ARHGAP40: variants seen among roughly 807,000 people sequenced by gnomAD.
ARHGAP40 encodes the protein Rho GTPase activating protein 40, also known as rho GTPase-activating protein 40.
ARHGAP40 carries 43 observed loss-of-function variants against 73.5 expected under a neutral mutation model. The observed-to-expected ratio is 0.58, with a 90% CI of 0.46 to 0.75. The LOEUF (loss-of-function observed/expected upper bound fraction) is 0.75, where lower values mean the gene tolerates loss of function less well. Among genes scored for constraint, ARHGAP40 ranks in the 30% least tolerant of loss-of-function variants. ARHGAP40 has a pLI of 0.00. For synonymous variants in ARHGAP40, 300 were observed against 352.8 expected, an observed-to-expected ratio of 0.85 and a Z score of 1.68; for missense variants, 734 against 861.8, an observed-to-expected ratio of 0.85 and a Z score of 1.86.
At chr20:38,621,827 G>A (rs220542) in intron 1 of ARHGAP40, among the ~76,000 whole-genome samples, 93,375 of 151,992 alleles carry the variant, frequency 0.61, 29,037 homozygotes, top group South Asian at 0.76. Context: ...GCCAAGGCAG[G>A]CGGATTGCTT....
chr20:38,622,903 C>T (rs1408289919), intron 1 of ARHGAP40, among the ~76,000 whole-genome samples: 1 of 152,104 alleles, frequency 6.6e-6, no homozygotes, highest in Non-Finnish European at 1.5e-5. Context: ...ATGAGGTGCT[C>T]CTGTGATACA....
intron 1 of ARHGAP40, among the ~76,000 whole-genome samples, chr20:38,609,585 T>C (rs1382281394): frequency 1.3e-5 from 2 of 152,066 alleles, no homozygotes; most frequent in African/African-American, 4.8e-5. Flanking sequence ...TGGAGGGCGG[T>C]AAGTGCCAGG....
rs557269496 is a variant in ARHGAP40, at chr20:38,632,708, G to T, written c.784-1912G>T. 2.6e-5 allele frequency among the ~76,000 whole-genome samples: 4 copies of T among 152,222 alleles called. No homozygotes were observed. In the East Asian group the frequency reaches 7.8e-4, roughly 30 times the overall value. ...TCACGCTAAAGGGCCAGGCATGGTG[G>T]CGCACACCTGTAATGCCAGCACTTT... On this transcript the variant is annotated intron_variant, in intron 5 of 14. Coordinates refer to ENST00000373345, the Ensembl canonical transcript of ARHGAP40.
At chr20:38,602,918 G>T (rs535724486) in intron 1 of ARHGAP40, among the ~76,000 whole-genome samples, 3 of 152,290 alleles carry the variant, frequency 2.0e-5, no homozygotes, top group African/African-American at 7.2e-5. Context: ...CCTGGCTAAT[G>T]GACATTTAGG....
chr20:38,629,640 G>T, exon 5 of ARHGAP40: 2 of 1,305,402 alleles, frequency 1.5e-6, no homozygotes, highest in Non-Finnish European at 2.0e-6. Flanking sequence ...TGGGGCAAGT[G>T]TTCCCTGCCG....
At chr20:38,631,757 T>C (rs1173248638) in intron 5 of ARHGAP40, among the ~76,000 whole-genome samples, 1 of 152,132 alleles carries the variant, frequency 6.6e-6, no homozygotes, top group Non-Finnish European at 1.5e-5. Flanking sequence ...ACCACCACTC[T>C]CTACTGCTTA....
At chr20:38,625,577 C>T (rs1313338989) in intron 2 of ARHGAP40, among the ~76,000 whole-genome samples, 1 of 152,174 alleles carries the variant, frequency 6.6e-6, no homozygotes, top group African/African-American at 2.4e-5. Flanking sequence ...CACCACCACA[C>T]CCGTCTAATT....
chr20:38,630,161 C>CCCTTCCTTCCTTCCTTCTTT (rs1243175647), intron 5 of ARHGAP40, among the ~76,000 whole-genome samples: 6 of 138,648 alleles, frequency 4.3e-5, no homozygotes, highest in African/African-American at 1.6e-4. Flanking sequence ...CTCCCTCCCT[C>CCCTTCCTTCCTTCCTTCTTT]CCTTCCTTCC....
chr20:38,625,738 A>G (rs1248500322), intron 2 of ARHGAP40, among the ~76,000 whole-genome samples: 2 of 152,082 alleles, frequency 1.3e-5, no homozygotes, highest in Non-Finnish European at 2.9e-5. Flanking sequence ...TTTTATTCGG[A>G]CACCAACTTG....
At chr20:38,633,122 C>CAA (rs55980432) in intron 5 of ARHGAP40, among the ~76,000 whole-genome samples, 9 of 135,512 alleles carry the variant, frequency 6.6e-5, no homozygotes, top group African/African-American at 2.2e-4. Flanking sequence ...GACTCCGTCT[C>CAA]AAAAAAAAAA....
At chr20:38,609,251 C>T (rs2088791130) in intron 1 of ARHGAP40, among the ~76,000 whole-genome samples, 1 of 152,126 alleles carries the variant, frequency 6.6e-6, no homozygotes, top group African/African-American at 2.4e-5. Context: ...TGCCTCCCTC[C>T]AACCTGGGGC....
intron 6 of ARHGAP40, among the ~76,000 whole-genome samples, chr20:38,637,127 G>A (rs1401959396): frequency 2.0e-5 from 3 of 151,638 alleles, no homozygotes; most frequent in African/African-American, 4.9e-5. Context: ...GAGCAGCAGC[G>A]TGCTTCCCTT....
intron 1 of ARHGAP40, among the ~76,000 whole-genome samples, chr20:38,608,015 TCC>T (rs1247122577): frequency 6.6e-6 from 1 of 152,214 alleles, no homozygotes; most frequent in Non-Finnish European, 1.5e-5. Flanking sequence ...TGCAGATATT[TCC>T]TCTCAGTTGA....
intron 1 of ARHGAP40, among the ~76,000 whole-genome samples, chr20:38,613,042 C>A (rs1426755408): frequency 6.6e-6 from 1 of 152,212 alleles, no homozygotes; most frequent in Non-Finnish European, 1.5e-5. Context: ...GAGACACAGA[C>A]CCAGGATTAT....
At chr20:38,640,846 G>A (rs111368982) in intron 9 of ARHGAP40, among the ~76,000 whole-genome samples, 2,286 of 152,284 alleles carry the variant, frequency 0.015, 56 homozygotes, top group African/African-American at 0.05. Flanking sequence ...GGGGCCTTCC[G>A]TGACCCCACA....
chr20:38,627,541 G>T (rs1283259251), intron 3 of ARHGAP40, among the ~76,000 whole-genome samples: 7 of 148,176 alleles, frequency 4.7e-5, no homozygotes, highest in Admixed American at 4.0e-4. Flanking sequence ...ATGTGTGTGT[G>T]TGTTGGTGTG....
chr20:38,626,136 G>C (rs2088897874), intron 2 of ARHGAP40, among the ~76,000 whole-genome samples: 1 of 152,186 alleles, frequency 6.6e-6, no homozygotes, highest in Non-Finnish European at 1.5e-5. Context: ...GGAAAGTGTT[G>C]GGGGAAGACT....
At chr20:38,623,612 C>A in intron 2 of ARHGAP40, 54 bp downstream of exon 2, 1 of 1,218,000 alleles carries the variant, frequency 8.2e-7, no homozygotes, top group Non-Finnish European at 1.1e-6. Flanking sequence ...TGATTCCAGG[C>A]AGAGAAATGT....
chr20:38,625,485 C>A (rs1459521077), intron 2 of ARHGAP40, among the ~76,000 whole-genome samples: 1 of 152,058 alleles, frequency 6.6e-6, no homozygotes, highest in Admixed American at 6.5e-5. Flanking sequence ...GTGGCACAAT[C>A]TCAGCCCACT....
Sources: allele counts gnomAD v4.1 joint callset (sites outside exome capture counted in the v4.1 genomes callset), GRCh38; gene constraint gnomAD v4.1.1; transcripts MANE v1.5; gene names NCBI Gene and HGNC (gene_info 2026-07-23, HGNC 2026-07-21).